DYSF: variants seen among roughly 807,000 people sequenced by gnomAD.
The protein encoded by DYSF is dystrophy-associated fer-1-like 1.
In DYSF, 212 loss-of-function variants were observed where a neutral mutation model predicts 274.9. That is an observed-to-expected ratio of 0.77 (90% CI 0.69 to 0.86). The LOEUF (loss-of-function observed/expected upper bound fraction) is 0.86. DYSF is among the 40% of genes least tolerant of loss of function. The pLI, the probability that DYSF is intolerant of heterozygous loss-of-function variation, is 0.00. For missense variants in DYSF, 2,666 were observed against 2,783.2 expected, an observed-to-expected ratio of 0.96 and a Z score of 0.95; for synonymous variants, 1,091 against 1,078.7, an observed-to-expected ratio of 1.01 and a Z score of -0.22.
At position 71,491,297 on chromosome 2, in the gene DYSF, C is replaced by A. The variant is rs2083833179; in HGVS notation, c.239+9327C>A. On this transcript the variant is annotated intron_variant, in intron 3 of 55. Coordinates refer to ENST00000410020, the MANE Select transcript of DYSF (RefSeq NM_001130987.2). ...TTTGGAATATTATTAGGAATACTAA[C>A]CCTCACTCTGTTCTATCTGTATAAA... is the stretch of plus-strand genomic sequence containing the variant. Among the ~76,000 whole-genome samples the A allele has an allele frequency of 2.0e-5, 3 of 152,290 alleles. No homozygotes were observed. In the East Asian group the frequency reaches 5.8e-4, roughly 29 times the overall value.
chr2:71,480,681 T>A (rs2082809203), intron 1 of DYSF, among the ~76,000 whole-genome samples: 1 of 152,186 alleles, frequency 6.6e-6, no homozygotes. Flanking sequence ...ATGTTTCTGA[T>A]GTCCCAGAGC....
chr2:71,568,231 C>T lies in DYSF; in HGVS notation c.2757C>T (p.Tyr919=), dbSNP rs200439327. 1.8e-5 allele frequency: 29 copies of T among 1,614,118 alleles called. No homozygotes were observed. The highest frequency in any genetic ancestry group is 2.5e-5 in the Non-Finnish European group (29 of 1,180,052). Residue 919 remains tyrosine (Y), a synonymous_variant, in exon 26 of 56, where the codon TAC becomes TAT. Transcript: ENST00000410020. ...ACTGGGGCACAACGGGCCTCACCTA[C>T]CCCAAGTTTTCTGACGTCACGGGCA... The part of the protein sequence containing the change: ...VGNWGTTGLT[Y]PKFSDVTGKI...
chr2:71,572,395 ACACT>A (rs1335152621), intron 29 of DYSF, among the ~76,000 whole-genome samples: 3 of 152,254 alleles, frequency 2.0e-5, no homozygotes, highest in Non-Finnish European at 1.5e-5. Flanking sequence ...ATAGACAGAC[ACACT>A]CAGATGCCCA....
chr2:71,549,204 G>A, intron 17 of DYSF: 1 of 732,716 alleles, frequency 1.4e-6, no homozygotes, highest in Non-Finnish European at 2.4e-6. Context: ...GCAGAGGGTG[G>A]GGCCTCGGGC....
chr2:71,553,540 G>A (rs955021901), intron 20 of DYSF, among the ~76,000 whole-genome samples: 1 of 152,178 alleles, frequency 6.6e-6, no homozygotes, highest in Non-Finnish European at 1.5e-5. Flanking sequence ...GAGCCCTAAT[G>A]AGAGCTGCAG....
At chr2:71,661,709 C>T (rs182472999) in intron 45 of DYSF, among the ~76,000 whole-genome samples, 7 of 152,312 alleles carry the variant, frequency 4.6e-5, no homozygotes, top group Admixed American at 1.3e-4. Flanking sequence ...AGCTATTTCT[C>T]TCGCACCTGC....
chr2:71,509,224 G>A (rs983897112), intron 4 of DYSF, among the ~76,000 whole-genome samples: 2 of 150,380 alleles, frequency 1.3e-5, no homozygotes, highest in Non-Finnish European at 3.0e-5. Context: ...ATGCAGTGGT[G>A]TAATCATGGC....
At chr2:71,463,588 G>A (rs750995089), upstream of DYSF, among the ~76,000 whole-genome samples, 1 of 152,236 alleles carries the variant, frequency 6.6e-6, no homozygotes, top group Non-Finnish European at 1.5e-5. Flanking sequence ...GGCCGCTGCT[G>A]CCAGCAACTC....
chr2:71,624,849 G>A (rs571334232), intron 41 of DYSF, among the ~76,000 whole-genome samples: 5 of 151,962 alleles, frequency 3.3e-5, no homozygotes, highest in Admixed American at 3.3e-4. Flanking sequence ...CGTAAAACTG[G>A]GCTCAACACA....
At chr2:71,554,170 G>A (rs890430049) in intron 21 of DYSF, among the ~76,000 whole-genome samples, 1 of 152,204 alleles carries the variant, frequency 6.6e-6, no homozygotes, top group Non-Finnish European at 1.5e-5. Context: ...TGTGCAGTGG[G>A]ACACAGAGCA....
chr2:71,461,731 A>C (rs1248075564), upstream of DYSF, among the ~76,000 whole-genome samples: 8 of 152,140 alleles, frequency 5.3e-5, no homozygotes, highest in East Asian at 1.5e-3. Context: ...TGGTGGTAAG[A>C]CTTGGTGGAG....
intron 3 of DYSF, among the ~76,000 whole-genome samples, chr2:71,492,333 G>C (rs2083925415): frequency 6.6e-6 from 1 of 152,164 alleles, no homozygotes; most frequent in Admixed American, 6.5e-5. Context: ...GAGAGCTGGA[G>C]GGGCTCAGAG....
chr2:71,638,948 A>G (rs541309055), intron 41 of DYSF, among the ~76,000 whole-genome samples: 3 of 152,354 alleles, frequency 2.0e-5, no homozygotes, highest in Admixed American at 1.3e-4. Flanking sequence ...CATCCTCACC[A>G]GCAGTGTACA....
intron 3 of DYSF, 45 bp downstream of exon 3, chr2:71,482,015 T>A (rs1239608139): frequency 6.5e-7 from 1 of 1,531,954 alleles, no homozygotes; most frequent in East Asian, 2.2e-5. Flanking sequence ...AAGGTGCAGG[T>A]AGGATTGTGG....
At chr2:71,564,005 G>A in intron 23 of DYSF, 53 bp from the exon 24 acceptor site, 1 of 1,611,490 alleles carries the variant, frequency 6.2e-7, no homozygotes, top group Non-Finnish European at 8.5e-7. Context: ...GTGGCTGTGG[G>A]GCGTGGGCCT....
At chr2:71,661,011 G>A (rs1437048580) in intron 45 of DYSF, among the ~76,000 whole-genome samples, 1 of 151,476 alleles carries the variant, frequency 6.6e-6, no homozygotes, top group Non-Finnish European at 1.5e-5. Flanking sequence ...CAGATACTTG[G>A]GAGGCTGAGG....
chr2:71,602,354 T>G (rs1330132966), intron 35 of DYSF, among the ~76,000 whole-genome samples: 1 of 152,138 alleles, frequency 6.6e-6, no homozygotes, highest in Non-Finnish European at 1.5e-5. Flanking sequence ...CAGCTCTCCC[T>G]CCCTGTCCTA....
chr2:71,596,194 CCTCCCCGTT>C (rs1266575974), intron 32 of DYSF, among the ~76,000 whole-genome samples: 2 of 151,770 alleles, frequency 1.3e-5, no homozygotes, highest in Non-Finnish European at 1.5e-5. Context: ...AAAGCCACCC[CCTCCCCGTT>C]CTCCCCCCAG....
At chr2:71,566,082 C>A (rs1273906942) in intron 24 of DYSF, among the ~76,000 whole-genome samples, 1 of 152,172 alleles carries the variant, frequency 6.6e-6, no homozygotes. Context: ...AGATTCTAAC[C>A]TCCTGTGCTT....
Sources: gnomAD v4.1 joint callset for allele counts (sites outside exome capture counted in the v4.1 genomes callset) on GRCh38, gnomAD v4.1.1 for gene constraint, MANE v1.5 for transcripts, NCBI Gene and HGNC (gene_info 2026-07-23, HGNC 2026-07-21) for gene names.